MAGI2: variants seen among roughly 807,000 people sequenced by gnomAD.
The protein encoded by MAGI2 is membrane-associated guanylate kinase, WW and PDZ domain-containing protein 2.
In MAGI2, 35 loss-of-function variants were observed where a neutral mutation model predicts 133.3. That is an observed-to-expected ratio of 0.26 (90% CI 0.20 to 0.35). The LOEUF (loss-of-function observed/expected upper bound fraction) is 0.35, where lower values mean the gene tolerates loss of function less well. Among genes scored for constraint, MAGI2 ranks in the 10% least tolerant of loss-of-function variants. The probability of loss-of-function intolerance (pLI) is 1.00; values close to 1 mark genes in which losing one functional copy is unlikely to be tolerated. For synonymous variants in MAGI2, 729 were observed against 710.6 expected (o/e 1.03, Z -0.41); for missense variants, 1,636 against 1,863.4 (o/e 0.88, Z 2.25).
intron 1 of MAGI2, among the ~76,000 whole-genome samples, chr7:79,049,690 T>G (rs766260182): frequency 2.0e-5 from 3 of 152,108 alleles, no homozygotes; most frequent in Non-Finnish European, 4.4e-5. Flanking sequence ...TTATGTTTTT[T>G]ATTCCTTACT....
chr7:78,220,040 T>C (rs141657134), intron 10 of MAGI2, among the ~76,000 whole-genome samples: 63 of 152,284 alleles, frequency 4.1e-4, no homozygotes, highest in African/African-American at 1.3e-3. Context: ...TCCAAACTCC[T>C]TATTATACAA....
At chr7:78,393,255 C>G (rs62468204) in intron 6 of MAGI2, among the ~76,000 whole-genome samples, 1 of 152,026 alleles carries the variant, frequency 6.6e-6, no homozygotes, top group Non-Finnish European at 1.5e-5. Flanking sequence ...AGGCATGGAC[C>G]TGTGGCCTAG....
At chr7:79,095,954 G>T (rs963465908) in intron 1 of MAGI2, among the ~76,000 whole-genome samples, 2 of 152,134 alleles carry the variant, frequency 1.3e-5, no homozygotes, top group Non-Finnish European at 2.9e-5. Context: ...GTGCAACAGA[G>T]TTAACTACAA....
intron 9 of MAGI2, among the ~76,000 whole-genome samples, chr7:78,316,385 T>G (rs1044687601): frequency 6.6e-6 from 1 of 152,232 alleles, no homozygotes; most frequent in East Asian, 1.9e-4. Context: ...GGATTATAAA[T>G]GAAGCTCTTT....
At chr7:79,283,880 G>T (rs1835819904) in intron 1 of MAGI2, among the ~76,000 whole-genome samples, 1 of 152,016 alleles carries the variant, frequency 6.6e-6, no homozygotes, top group South Asian at 2.1e-4. Flanking sequence ...ATCAGAAGGT[G>T]GTCCCATAAG....
chr7:78,188,700 G>A (rs548320096), intron 12 of MAGI2, among the ~76,000 whole-genome samples: 105 of 152,310 alleles, frequency 6.9e-4, no homozygotes, highest in African/African-American at 2.2e-3. Flanking sequence ...ATCTAGCACA[G>A]TGTTCACATG....
chr7:79,203,854 G>A (rs1828819357), intron 1 of MAGI2, among the ~76,000 whole-genome samples: 1 of 151,984 alleles, frequency 6.6e-6, no homozygotes, highest in African/African-American at 2.4e-5. Context: ...GGCAGTGCAA[G>A]GCCTCAGGGT....
rs528673353 is a variant in MAGI2 at position 78,245,779 on chromosome 7, A to G, written c.2047+10164T>C. On this transcript the variant is annotated intron_variant, in intron 10 of 21. Transcript: ENST00000354212. The stretch of plus-strand genomic sequence containing the variant: ...TGCAGTCCTCACAGACACTGAACCC[A>G]GCTGAAGGAGGTGTCAGGAGTCCAC... Among the ~76,000 whole-genome samples the G allele has an allele frequency of 2.0e-5, 3 of 152,276 alleles. No homozygotes were observed. The South Asian group carries it at 6.2e-4, about 32-fold the overall frequency.
At chr7:79,436,586 A>C (rs969525955) in intron 1 of MAGI2, among the ~76,000 whole-genome samples, 6 of 152,186 alleles carry the variant, frequency 3.9e-5, no homozygotes, top group Admixed American at 1.3e-4. Context: ...TGGTCAAAAA[A>C]CATATTAAAA....
intron 1 of MAGI2, among the ~76,000 whole-genome samples, chr7:79,050,489 C>T (rs1812576057): frequency 6.6e-6 from 1 of 152,100 alleles, no homozygotes; most frequent in Non-Finnish European, 1.5e-5. Flanking sequence ...CTCAAGCGAT[C>T]CTCCTGCCAC....
chr7:78,919,457 T>C (rs1287433382), intron 2 of MAGI2, among the ~76,000 whole-genome samples: 1 of 152,112 alleles, frequency 6.6e-6, no homozygotes, highest in Non-Finnish European at 1.5e-5. Flanking sequence ...TATTGCATGA[T>C]GTGTTTAACT....
intron 9 of MAGI2, among the ~76,000 whole-genome samples, chr7:78,281,690 A>C (rs1286635907): frequency 7.4e-6 from 1 of 135,150 alleles, no homozygotes; most frequent in Non-Finnish European, 1.6e-5. Flanking sequence ...TAGTGATATT[A>C]ATTCATTTGT....
chr7:78,358,146 G>A (rs1438124228), intron 7 of MAGI2: 1 of 107,512 alleles, frequency 9.3e-6, no homozygotes, highest in African/African-American at 3.6e-5. Flanking sequence ...CTGGGCGACA[G>A]AGCAAGACTT....
At chr7:78,231,664 TAAATG>T (rs1347044218) in intron 10 of MAGI2, among the ~76,000 whole-genome samples, 1 of 152,174 alleles carries the variant, frequency 6.6e-6, no homozygotes, top group Non-Finnish European at 1.5e-5. Context: ...TTTGCTAACA[TAAATG>T]AAAAGGTCCT....
At chr7:78,218,710 T>C (rs1788508406) in intron 10 of MAGI2, among the ~76,000 whole-genome samples, 1 of 152,214 alleles carries the variant, frequency 6.6e-6, no homozygotes, top group Non-Finnish European at 1.5e-5. Flanking sequence ...AGTGTGTTTG[T>C]GTCACCTGGA....
intron 10 of MAGI2, among the ~76,000 whole-genome samples, chr7:78,250,781 GA>G (rs1368998393): frequency 1.3e-5 from 2 of 152,028 alleles, no homozygotes; most frequent in Non-Finnish European, 2.9e-5. Flanking sequence ...CAGACTAGAT[GA>G]CTTCACTGGT....
intron 1 of MAGI2, among the ~76,000 whole-genome samples, chr7:79,259,269 G>A (rs1208439571): frequency 6.6e-6 from 1 of 152,178 alleles, no homozygotes; most frequent in Non-Finnish European, 1.5e-5. Flanking sequence ...CTGCAATGTT[G>A]TAGGAATACA....
intron 9 of MAGI2, among the ~76,000 whole-genome samples, chr7:78,323,925 T>C: frequency 6.6e-6 from 1 of 152,148 alleles, no homozygotes; most frequent in East Asian, 1.9e-4. Flanking sequence ...ACCTGGGGCA[T>C]ATAGCAGGGA....
chr7:78,836,129 C>G (rs969525632), intron 2 of MAGI2, among the ~76,000 whole-genome samples: 1 of 152,172 alleles, frequency 6.6e-6, no homozygotes, highest in African/African-American at 2.4e-5. Flanking sequence ...TGGTAACTAA[C>G]TCCTATAACG....
Sources: gnomAD v4.1 joint callset for allele counts (sites outside exome capture counted in the v4.1 genomes callset) on GRCh38, gnomAD v4.1.1 for gene constraint, MANE v1.5 for transcripts, NCBI Gene and HGNC (gene_info 2026-07-23, HGNC 2026-07-21) for gene names.